The following TRDN variants were observed in gnomAD, a reference collection of about 807,000 sequenced individuals.
TRDN encodes triadin, also known as triadin in skeletal muscle.
Under a neutral mutation model 149.7 loss-of-function variants are expected in TRDN, and 161 were observed. The ratio of observed to expected loss-of-function variants is 1.08; its 90% CI spans 0.95 to 1.23. The LOEUF is 1.23. Among genes scored for constraint, TRDN ranks in the 50% most tolerant of loss-of-function variants. The pLI is 0.00. For synonymous variants in TRDN, 294 were observed against 250.5 expected, an observed-to-expected ratio of 1.17 and a Z score of -1.64; for missense variants, 896 against 823.5, an observed-to-expected ratio of 1.09 and a Z score of -1.08.
intron 38 of TRDN, among the ~76,000 whole-genome samples, chr6:123,236,667 A>G (rs1411524695): frequency 2.0e-5 from 3 of 152,144 alleles, no homozygotes; most frequent in Non-Finnish European, 2.9e-5. Context: ...TAGATGTCCA[A>G]TTGTTTGAGT....
At position 123,551,203 on chromosome 6, in the gene TRDN, G is replaced by GATAT. The variant is rs10547981; in HGVS notation, c.233-2595_233-2592dup. On this transcript the variant is annotated intron_variant, in intron 2 of 40. Coordinates refer to ENST00000334268, the MANE Select transcript of TRDN (RefSeq NM_006073.4). ...TTAAATGCACTGTATGTATTTTGCA[G>GATAT]ATATATATATATATATATATTGCCT... is the stretch of plus-strand genomic sequence containing the variant. 2.7e-4 allele frequency among the ~76,000 whole-genome samples: 32 copies of GATAT among 118,104 alleles called. 5 individuals carry two copies. Among genetic ancestry groups the GATAT allele is most frequent in the Non-Finnish European group, 3.7e-4 (20 of 53,344 alleles). The allele number at this position is 118,104 out of a possible 152,430, so 77.5% of individuals were successfully genotyped here.
chr6:123,407,862 T>C (rs1043830071), intron 12 of TRDN, among the ~76,000 whole-genome samples: 1 of 152,110 alleles, frequency 6.6e-6, no homozygotes, highest in Admixed American at 6.6e-5. Context: ...TAGCAAAACA[T>C]GAAACACTTT....
At chr6:123,449,763 G>T (rs1250755627) in intron 10 of TRDN, among the ~76,000 whole-genome samples, 1 of 152,124 alleles carries the variant, frequency 6.6e-6, no homozygotes, top group East Asian at 1.9e-4. Flanking sequence ...TAGGCACATT[G>T]TCATCAGGTT....
At chr6:123,338,031 C>A (rs1779937848) in intron 21 of TRDN, among the ~76,000 whole-genome samples, 1 of 152,164 alleles carries the variant, frequency 6.6e-6, no homozygotes, top group Non-Finnish European at 1.5e-5. Context: ...CTCACAACTC[C>A]ATGAGGTATA....
chr6:123,279,147 G>T (rs1370735462), intron 24 of TRDN, 65 bp from the exon 25 acceptor site: 10 of 1,247,012 alleles, frequency 8.0e-6, no homozygotes, highest in Admixed American at 4.0e-5. Flanking sequence ...TAACATTATT[G>T]AATATGATAT....
chr6:123,377,659 G>C (rs1214184961), intron 18 of TRDN, 57 bp downstream of exon 18: 1 of 1,601,116 alleles, frequency 6.2e-7, no homozygotes, highest in African/African-American at 1.3e-5. Context: ...TGAGGCTACA[G>C]CATTAATAAA....
rs1417716092 is a variant in TRDN at position 123,438,003 on chromosome 6, C to A, written c.1051+60G>T. On this transcript the variant is annotated intron_variant, in intron 12 of 40. Transcript: ENST00000334268. ...AATTTGTGTATGTTGCATGAGGAGT[C>A]TTTCATGAAGCAAACATCCTGAACG... The A allele has an allele frequency of 3.5e-6, 5 of 1,424,576 alleles. No homozygotes were observed. The East Asian group carries it at 7.0e-5, about 20-fold the overall frequency. 88.2% of individuals were successfully genotyped at this position (1,424,576 alleles called of 1,614,324 possible). A position where few individuals can be genotyped will look rare whatever the true frequency, so the allele number is the denominator to read the frequency against.
rs377197824 is a variant in TRDN at position 123,368,574 on chromosome 6, G to T, written c.1274-2392C>A. ...CAGGATACTCTAATATTTTGCCAGGGTTGGGAGTCACTGATATACACAACT... is the reference window on the plus strand; with the variant it reads ...CAGGATACTCTAATATTTTGCCAGGTTTGGGAGTCACTGATATACACAACT... On this transcript the variant is annotated intron_variant, in intron 19 of 40. Coordinates refer to ENST00000334268, the MANE Select transcript of TRDN (RefSeq NM_006073.4). Among the ~76,000 whole-genome samples, 210 of 152,152 alleles carry T rather than the reference G, an allele frequency of 1.4e-3. 2 individuals carry two copies. In the South Asian group the frequency reaches 0.024, roughly 18 times the overall value.
intron 21 of TRDN, among the ~76,000 whole-genome samples, chr6:123,339,461 G>C (rs779014128): frequency 1.3e-5 from 2 of 152,162 alleles, no homozygotes; most frequent in African/African-American, 4.8e-5. Context: ...TGTTTTGAAA[G>C]TATTGTGTTT....
intron 9 of TRDN, among the ~76,000 whole-genome samples, chr6:123,472,338 C>T (rs1445677319): frequency 1.4e-4 from 21 of 152,182 alleles, no homozygotes; most frequent in Admixed American, 1.4e-3. Flanking sequence ...CCTGGAAAAT[C>T]GGGTCACTCC....
intron 2 of TRDN, among the ~76,000 whole-genome samples, chr6:123,565,300 C>A (rs7740664): frequency 1.5e-3 from 226 of 152,064 alleles, no homozygotes; most frequent in Middle Eastern, 6.8e-3. Flanking sequence ...AAGAGAGCAA[C>A]GTTTCTCTGT....
At position 123,352,736 on chromosome 6, in the gene TRDN, C is replaced by T. The variant is rs148943926; in HGVS notation, c.1322-150G>A. ...TTAAACATTTCTCATTTCTCTATAA[C>T]GCAATTGAAACCAGATTTTATATCT... On this transcript the variant is annotated intron_variant, in intron 20 of 40. Coordinates refer to ENST00000334268, the MANE Select transcript of TRDN (RefSeq NM_006073.4). 2.3e-4 allele frequency: 260 copies of T among 1,116,902 alleles called. No individual in the cohort carries two copies. The African/African-American group carries it at 2.7e-3, about 12-fold the overall frequency. The allele number at this position is 1,116,902 out of a possible 1,614,324, so 69.2% of individuals were successfully genotyped here.
chr6:123,248,687 C>T (rs77871377), intron 38 of TRDN, among the ~76,000 whole-genome samples: 6,699 of 151,952 alleles, frequency 0.044, 433 homozygotes, highest in African/African-American at 0.15. Flanking sequence ...AGAAATAGGA[C>T]CTGAACAGAC....
At chr6:123,262,128 G>A (rs1237306286) in intron 33 of TRDN, among the ~76,000 whole-genome samples, 1 of 151,896 alleles carries the variant, frequency 6.6e-6, no homozygotes. Context: ...TGTTTAAGAT[G>A]TCCAGGAAAG....
chr6:123,329,750 A>G (rs2114723493), intron 23 of TRDN, among the ~76,000 whole-genome samples: 1 of 152,236 alleles, frequency 6.6e-6, no homozygotes, highest in South Asian at 2.1e-4. Flanking sequence ...CTAAGTGGGA[A>G]AAATAAAAAT....
chr6:123,535,426 G>C (rs1780480132), intron 4 of TRDN, among the ~76,000 whole-genome samples: 1 of 152,074 alleles, frequency 6.6e-6, no homozygotes, highest in African/African-American at 2.4e-5. Flanking sequence ...TGGCTGGTAG[G>C]GAGGTATGAG....
chr6:123,329,962 C>T (rs1242329562), intron 23 of TRDN, among the ~76,000 whole-genome samples: 1 of 152,026 alleles, frequency 6.6e-6, no homozygotes, highest in African/African-American at 2.4e-5. Flanking sequence ...AATGCATCTT[C>T]TTCAACATGA....
chr6:123,585,067 G>T (rs1320222854), intron 1 of TRDN, among the ~76,000 whole-genome samples: 1 of 151,644 alleles, frequency 6.6e-6, no homozygotes, highest in Non-Finnish European at 1.5e-5. Context: ...GGGTGATTAG[G>T]TTTTAATGAG....
intron 2 of TRDN, among the ~76,000 whole-genome samples, chr6:123,551,687 C>T (rs1281862487): frequency 1.3e-5 from 2 of 151,524 alleles, no homozygotes; most frequent in Non-Finnish European, 2.9e-5. Flanking sequence ...TATTTTATAC[C>T]TTTTTTAAAA....
Sources: gnomAD v4.1 joint callset for allele counts (sites outside exome capture counted in the v4.1 genomes callset) on GRCh38, gnomAD v4.1.1 for gene constraint, MANE v1.5 for transcripts, NCBI Gene and HGNC (gene_info 2026-07-23, HGNC 2026-07-21) for gene names.